ESR1: variants seen among roughly 807,000 people sequenced by gnomAD.
ESR1 encodes estrogen receptor 1.
A neutral mutation model predicts 52.7 loss-of-function variants in ESR1; 12 were observed. The ratio of observed to expected loss-of-function variants is 0.23; its 90% CI spans 0.15 to 0.37. The LOEUF is 0.37. Among genes scored for constraint, ESR1 ranks in the 10% least tolerant of loss-of-function variants. The probability of loss-of-function intolerance (pLI) is 1.00; values close to 1 mark genes in which losing one functional copy is unlikely to be tolerated. For missense variants in ESR1, 584 were observed against 779.7 expected (o/e 0.75, Z 2.99); for synonymous variants, 305 against 316.8 (o/e 0.96, Z 0.39).
chr6:151,708,133 C>G (rs1171629720), intron 2 of ESR1, among the ~76,000 whole-genome samples: 5 of 151,976 alleles, frequency 3.3e-5, no homozygotes, highest in African/African-American at 4.8e-5. Context: ...GGGCAATGGT[C>G]CTTCTTTATC....
At position 152,026,531 on chromosome 6, in the gene ESR1, C is replaced by T. The variant is rs1334079878; in HGVS notation, c.1235+14737C>T. On this transcript the variant is annotated intron_variant, in intron 5 of 7. Transcript: ENST00000206249. Reference sequence around the variant, plus strand: ...TTACTTATTAGTCAATCTGAGAATACTTTTAATAGATGAGTTACACAAATA... The same window carrying T: ...TTACTTATTAGTCAATCTGAGAATATTTTTAATAGATGAGTTACACAAATA... 2.0e-5 allele frequency among the ~76,000 whole-genome samples: 3 copies of T among 151,898 alleles called. No homozygotes were observed. The East Asian group carries it at 5.8e-4, about 29-fold the overall frequency.
chr6:151,727,910 T>C (rs1379707271), intron 2 of ESR1, among the ~76,000 whole-genome samples: 1 of 152,228 alleles, frequency 6.6e-6, no homozygotes, highest in East Asian at 1.9e-4. Context: ...CCCCAGCCAT[T>C]TGGAACTGTG....
At chr6:151,673,840 G>T (rs1418380541) in intron 1 of ESR1, among the ~76,000 whole-genome samples, 1 of 151,968 alleles carries the variant, frequency 6.6e-6, no homozygotes, top group Non-Finnish European at 1.5e-5. Context: ...CATGATTATG[G>T]CATTGTACTC....
At chr6:151,746,053 A>G (rs556085688) in intron 2 of ESR1, among the ~76,000 whole-genome samples, 3 of 152,282 alleles carry the variant, frequency 2.0e-5, no homozygotes, top group Admixed American at 6.5e-5. Flanking sequence ...CTTCCTTTTC[A>G]GGGCTGAATA....
chr6:152,125,210 G>C (rs1371335238), intron 6 of ESR1: 1 of 1,529,148 alleles, frequency 6.5e-7, no homozygotes, highest in Non-Finnish European at 8.8e-7. Context: ...GAAATGTTTT[G>C]CTGGTTGGTG....
intron 4 of ESR1, among the ~76,000 whole-genome samples, chr6:152,010,869 T>TCTC: frequency 6.6e-6 from 1 of 151,098 alleles, no homozygotes; most frequent in East Asian, 2.0e-4. Context: ...TTCTCCTCCT[T>TCTC]CTCCTCCTCC....
chr6:151,928,085 G>A (rs1358635641), intron 3 of ESR1, among the ~76,000 whole-genome samples: 3 of 152,062 alleles, frequency 2.0e-5, no homozygotes, highest in Non-Finnish European at 4.4e-5. Flanking sequence ...AAAATAACCA[G>A]TTTTTGTTTC....
chr6:151,771,772 T>C (rs1444062755), intron 2 of ESR1, among the ~76,000 whole-genome samples: 5 of 152,224 alleles, frequency 3.3e-5, no homozygotes, highest in African/African-American at 4.8e-5. Flanking sequence ...TTTTACATTA[T>C]ACTTTTTACT....
At chr6:151,859,712 C>G (rs1030154505) in intron 2 of ESR1, among the ~76,000 whole-genome samples, 1 of 152,232 alleles carries the variant, frequency 6.6e-6, no homozygotes, top group Non-Finnish European at 1.5e-5. Context: ...TAGAGAAGGA[C>G]TCTGCTTGGC....
At chr6:152,114,661 G>A (rs1437222989) in intron 6 of ESR1, among the ~76,000 whole-genome samples, 2 of 151,930 alleles carry the variant, frequency 1.3e-5, no homozygotes, top group Non-Finnish European at 2.9e-5. Context: ...GGAGGCCGAG[G>A]CGGGCGGATC....
intron 6 of ESR1, among the ~76,000 whole-genome samples, chr6:152,078,400 T>A (rs968570162): frequency 6.6e-6 from 1 of 152,170 alleles, no homozygotes; most frequent in Admixed American, 6.5e-5. Context: ...CCCCTTGAAT[T>A]TCATAAGACC....
chr6:152,021,457 C>T (rs1008546526), intron 5 of ESR1, among the ~76,000 whole-genome samples: 4 of 152,106 alleles, frequency 2.6e-5, no homozygotes, highest in Admixed American at 1.3e-4. Flanking sequence ...GACTAATACA[C>T]CCAGTGTGTT....
At chr6:151,822,193 A>G (rs2128192412) in intron 1 of ESR1, among the ~76,000 whole-genome samples, 1 of 152,330 alleles carries the variant, frequency 6.6e-6, no homozygotes, top group Admixed American at 6.5e-5. Context: ...CTGTAAAGAG[A>G]TAATGTAGGG....
chr6:151,987,472 T>C (rs967398719), intron 4 of ESR1, among the ~76,000 whole-genome samples: 6 of 152,156 alleles, frequency 3.9e-5, no homozygotes, highest in Non-Finnish European at 8.8e-5. Flanking sequence ...TTGGCCAGGC[T>C]GGTCTCAAAC....
chr6:151,806,349 G>A (rs1486509021), upstream of ESR1, among the ~76,000 whole-genome samples: 1 of 151,888 alleles, frequency 6.6e-6, no homozygotes, highest in East Asian at 1.9e-4. Context: ...TTGGCATTTA[G>A]ATAGACCATG....
intron 2 of ESR1, among the ~76,000 whole-genome samples, chr6:151,850,495 C>T (rs1381515412): frequency 6.6e-6 from 1 of 151,506 alleles, no homozygotes; most frequent in Non-Finnish European, 1.5e-5. Flanking sequence ...GAAACATCTA[C>T]AAAGCAAGGA....
intron 6 of ESR1, chr6:152,118,234 T>A (rs1253420594): frequency 6.6e-6 from 1 of 152,214 alleles, no homozygotes; most frequent in East Asian, 1.9e-4. Flanking sequence ...TCCCTTCTAG[T>A]TTCCTCATTT....
intron 1 of ESR1, among the ~76,000 whole-genome samples, chr6:151,676,556 G>A (rs926464388): frequency 1.3e-5 from 2 of 152,100 alleles, no homozygotes; most frequent in Admixed American, 1.3e-4. Context: ...TTAATGGTCG[G>A]CTACGCTTGA....
intron 4 of ESR1, among the ~76,000 whole-genome samples, chr6:151,963,687 G>A (rs1381407424): frequency 1.3e-5 from 2 of 152,096 alleles, no homozygotes; most frequent in South Asian, 4.1e-4. Context: ...TTAGTTTCAT[G>A]CTATCAAACT....
Sources: gnomAD v4.1 joint callset for allele counts (sites outside exome capture counted in the v4.1 genomes callset) on GRCh38, gnomAD v4.1.1 for gene constraint, MANE v1.5 for transcripts, NCBI Gene and HGNC (gene_info 2026-07-23, HGNC 2026-07-21) for gene names.